Variants in BCAM observed in about 807,000 individuals in gnomAD.
The protein encoded by BCAM is basal cell adhesion molecule.
BCAM carries 61 observed loss-of-function variants against 72.4 expected under a neutral mutation model. That is an observed-to-expected ratio of 0.84 (90% CI 0.69 to 1.04). The LOEUF is 1.04. Ranked by LOEUF, BCAM falls within the 50% of genes least tolerant of loss-of-function variation. The pLI, the probability that BCAM is intolerant of heterozygous loss-of-function variation, is 0.00. For missense variants in BCAM, 909 were observed against 895.0 expected (o/e 1.02, Z -0.20); for synonymous variants, 408 against 384.2 (o/e 1.06, Z -0.73).
At chr19:44,817,786 C>T (rs540617626) in intron 8 of BCAM, among the ~76,000 whole-genome samples, 1 of 152,270 alleles carries the variant, frequency 6.6e-6, no homozygotes, top group South Asian at 2.1e-4. Flanking sequence ...TCAGGTGATG[C>T]ACCCGCCTCG....
intron 1 of BCAM, 31 bp downstream of exon 1, chr19:44,809,237 T>C: frequency 1.4e-6 from 2 of 1,405,818 alleles, no homozygotes; most frequent in South Asian, 2.9e-5. Context: ...AAGGTGGGAC[T>C]GGGGAGAGGC....
intron 8 of BCAM, among the ~76,000 whole-genome samples, chr19:44,816,989 C>G (rs1265667682): frequency 1.3e-5 from 2 of 151,718 alleles, no homozygotes; most frequent in Admixed American, 6.6e-5. Flanking sequence ...GTAATCCCAG[C>G]ACTTTTGGGA....
Position 44,814,905 on chromosome 19 carries a change from G to GTTTTTTT in BCAM, c.1078+147_1078+148insTTTTTTT. 2.4e-6 allele frequency: 2 copies of GTTTTTTT among 826,982 alleles called. No individual in the cohort carries two copies. The highest frequency in any genetic ancestry group is 3.3e-6 in the Non-Finnish European group (2 of 611,424). 51.2% of individuals were successfully genotyped at this position (826,982 alleles called of 1,614,324 possible). ...TCTGCATTTCTTGGGGGTTTTTTTG[G>GTTTTTTT]TTGTTTTTTTTTTTTTTTTTTTCCC... On this transcript the variant is annotated intron_variant, in intron 8 of 14. Coordinates refer to ENST00000270233, the MANE Select transcript of BCAM (RefSeq NM_005581.5). This position sits in a 1 kb window ranked among gnomAD's most constrained non-coding sequence, Gnocchi z 4.6.
rs763974366 is a variant in BCAM, at chr19:44,818,520, A to G, written c.1079-2A>G. 2 of 1,613,174 alleles carry G rather than the reference A, an allele frequency of 1.2e-6. No individual in the cohort carries two copies. The highest frequency in any genetic ancestry group is 3.3e-5 in the Admixed American group (2 of 59,970). Reference sequence around the variant, plus strand: ...CGAGTGACAGACTGTCCCCCACTGCAGATCTGGACCCCCTGGAGCTCAGCG... The same window carrying G: ...CGAGTGACAGACTGTCCCCCACTGCGGATCTGGACCCCCTGGAGCTCAGCG... On this transcript the variant is annotated splice_acceptor_variant, in intron 8 of 14. Coordinates refer to ENST00000270233, the MANE Select transcript of BCAM (RefSeq NM_005581.5). LOFTEE classifies it high-confidence loss of function. This position sits in a 1 kb window ranked among gnomAD's most constrained non-coding sequence, Gnocchi z 4.6.
Position 44,813,433 on chromosome 19 carries a change from C to T in BCAM, c.602-5C>T, listed in dbSNP as rs1382677136. On this transcript the variant is annotated splice_region_variant and splice_polypyrimidine_tract_variant and intron_variant, in intron 5 of 14. Transcript: ENST00000270233. The surrounding 1 kb of genome is among the most constrained non-coding windows in gnomAD (Gnocchi z 4.2). ...CTGACTGCCACCTCCCCCGATCTCT[C>T]CCAGAGGGCTACATGACCAGCCGCA... The T allele has an allele frequency of 6.2e-7, 1 of 1,610,500 alleles. No homozygotes were observed. Among genetic ancestry groups the T allele is most frequent in the Admixed American group, 1.7e-5 (1 of 59,934 alleles).
In BCAM at chr19:44,814,693, C is replaced by T. The variant is rs1968479292; in HGVS notation, c.1011C>T (p.Cys337=). Residue 337 remains cysteine (C), a synonymous_variant, in exon 8 of 15, where the codon TGC becomes TGT. Transcript: ENST00000270233. This position sits in a 1 kb window ranked among gnomAD's most constrained non-coding sequence, Gnocchi z 4.6. The stretch of plus-strand genomic sequence containing the variant: ...GGGGCCAGAGCGGGACCTATGGCTG[C>T]AGAGTGGAGGATTACGACGCGGCAG... ...VTRGQSGTYG[C]RVEDYDAADD... is the part of the protein sequence containing the mutation. 6.2e-7 allele frequency: 1 copy of T among 1,613,948 alleles called. No individual in the cohort carries two copies. Among genetic ancestry groups the T allele is most frequent in the Non-Finnish European group, 8.5e-7 (1 of 1,180,024 alleles).
rs1599885889 is a variant in BCAM, at chr19:44,814,517, G to A, written c.922-87G>A. The A allele has an allele frequency of 6.5e-7, 1 of 1,528,812 alleles. No individual in the cohort carries two copies. The highest frequency in any genetic ancestry group is 1.4e-5 in the African/African-American group (1 of 72,896). 94.7% of individuals were successfully genotyped at this position (1,528,812 alleles called of 1,614,324 possible). On this transcript the variant is annotated intron_variant, in intron 7 of 14. Transcript: ENST00000270233. This position sits in a 1 kb window ranked among gnomAD's most constrained non-coding sequence, Gnocchi z 4.6. ...CTGACCCCTGATTCTGGCTTAGCAT[G>A]ACACTAACCTGGTGGCTTCTGACCT...
rs1370044840 is a variant in BCAM, at chr19:44,812,523, CTG to C, written c.482_483del (p.Val161AspfsTer69). 6.2e-7 allele frequency: 1 copy of C among 1,614,094 alleles called. No homozygotes were observed. The highest frequency in any genetic ancestry group is 8.5e-7 in the Non-Finnish European group (1 of 1,180,032). On this transcript the variant is annotated frameshift_variant, in exon 4 of 15. Coordinates refer to ENST00000270233, the MANE Select transcript of BCAM (RefSeq NM_005581.5). LOFTEE classifies it high-confidence loss of function. This position sits in a 1 kb window ranked among gnomAD's most constrained non-coding sequence, Gnocchi z 5.3. ...GTCTCCCCCAACAAAGGGACACTGT[CTG>C]TGATGGAGGACTCTGCCCAGGAGGT...
chr19:44,814,848 G>C lies in BCAM; in HGVS notation c.1078+88G>C. ...CTCCCTACAGCCCTGAAGTTGCTCT[G>C]TCATCCCAAACACTCTGCCTTCAAC... On this transcript the variant is annotated intron_variant, in intron 8 of 14. Coordinates refer to ENST00000270233, the MANE Select transcript of BCAM (RefSeq NM_005581.5). The surrounding 1 kb of genome is among the most constrained non-coding windows in gnomAD (Gnocchi z 4.6). 7.2e-7 allele frequency: 1 copy of C among 1,382,748 alleles called. No homozygotes were observed. Among genetic ancestry groups the C allele is most frequent in the South Asian group, 1.6e-5 (1 of 61,382 alleles). 85.7% of individuals were successfully genotyped at this position (1,382,748 alleles called of 1,614,324 possible). A position where few individuals can be genotyped will look rare whatever the true frequency, so the allele number is the denominator to read the frequency against.
chr19:44,813,429 C>T lies in BCAM; in HGVS notation c.602-9C>T. ...CTGGCTGACTGCCACCTCCCCCGAT[C>T]TCTCCCAGAGGGCTACATGACCAGC... On this transcript the variant is annotated splice_polypyrimidine_tract_variant and intron_variant, in intron 5 of 14. Coordinates refer to ENST00000270233, the MANE Select transcript of BCAM (RefSeq NM_005581.5). The surrounding 1 kb of genome is among the most constrained non-coding windows in gnomAD (Gnocchi z 4.2). 1 of 1,608,636 alleles carries T rather than the reference C, an allele frequency of 6.2e-7. No individual in the cohort carries two copies. The highest frequency in any genetic ancestry group is 8.5e-7 in the Non-Finnish European group (1 of 1,177,578).
Position 44,817,471 on chromosome 19 carries a change from G to A in BCAM, c.1079-1051G>A, listed in dbSNP as rs146047422. On this transcript the variant is annotated intron_variant, in intron 8 of 14. Transcript: ENST00000270233. ...AGGCACCCTCAAGAAGTTTGGCCTCGATGCCAAGGGTACTGGGGAGCCACT... is the reference window on the plus strand; with the variant it reads ...AGGCACCCTCAAGAAGTTTGGCCTCAATGCCAAGGGTACTGGGGAGCCACT... 4.7e-4 allele frequency among the ~76,000 whole-genome samples: 72 copies of A among 152,166 alleles called. No individual in the cohort carries two copies. In the East Asian group the frequency reaches 0.013, roughly 27 times the overall value.
rs1233380892 is a variant in BCAM at position 44,812,633 on chromosome 19, CT to C, written c.504+86del. 2.7e-5 allele frequency: 40 copies of C among 1,479,034 alleles called. No homozygotes were observed. Among genetic ancestry groups the C allele is most frequent in the Non-Finnish European group, 3.7e-5 (40 of 1,084,062 alleles). 91.6% of individuals were successfully genotyped at this position (1,479,034 alleles called of 1,614,324 possible). ...ACTCCTGGGTCTGAGGGAGGAGGGG[CT>C]GGGGACCCCTGGGTAATAAAGGAGG... On this transcript the variant is annotated intron_variant, in intron 4 of 14. Coordinates refer to ENST00000270233, the MANE Select transcript of BCAM (RefSeq NM_005581.5). This position sits in a 1 kb window ranked among gnomAD's most constrained non-coding sequence, Gnocchi z 5.3.
chr19:44,813,604 C>A lies in BCAM; in HGVS notation c.768C>A (p.Phe256Leu). 1 of 1,612,354 alleles carries A rather than the reference C, an allele frequency of 6.2e-7. No individual in the cohort carries two copies. The change falls in exon 6 of 15, where the codon TTC becomes TTA. Residue 256 changes from phenylalanine (F) to leucine (L), a missense_variant. By Grantham distance (22) the Phe-to-Leu change is conservative. Coordinates refer to ENST00000270233, the MANE Select transcript of BCAM (RefSeq NM_005581.5). This position sits in a 1 kb window ranked among gnomAD's most constrained non-coding sequence, Gnocchi z 4.2. ...GRHGRLDSPTFHLTLHYPTEH... is the reference protein window; with the variant it reads ...GRHGRLDSPTLHLTLHYPTEH... ...ACGGCCGCCTGGACAGCCCCACCTT[C>A]CACCTCACCCTGCACTGTGAGTCTG... is the stretch of plus-strand genomic sequence containing the variant.
At chr19:44,809,317 C>T (rs1968386708) in intron 1 of BCAM, 111 bp downstream of exon 1, 2 of 923,488 alleles carry the variant, frequency 2.2e-6, no homozygotes, top group Admixed American at 4.3e-5. Flanking sequence ...TGTGGGGACC[C>T]CAAGGAGGAG....
intron 1 of BCAM, 100 bp downstream of exon 1, chr19:44,809,306 A>C: frequency 2.9e-6 from 3 of 1,030,510 alleles, no homozygotes; most frequent in Non-Finnish European, 3.8e-6. Flanking sequence ...AGGAAGCAAA[A>C]TGTGGGGACC....
intron 13 of BCAM, 165 bp from the exon 14 acceptor site, chr19:44,820,540 A>C: frequency 1.0e-5 from 13 of 1,265,178 alleles, no homozygotes; most frequent in East Asian, 6.4e-5. Context: ...CCCCAGTGCC[A>C]TTACCAGCCC....
In BCAM at chr19:44,818,817, G is replaced by A. The variant is rs767383930; in HGVS notation, c.1271G>A (p.Cys424Tyr). 4 of 1,614,108 alleles carry A rather than the reference G, an allele frequency of 2.5e-6. No individual in the cohort carries two copies. The Admixed American group carries it at 6.7e-5, about 27-fold the overall frequency. ...ITFDSNGTYV[C>Y]EASLPTVPVL... ...TTCGATTCCAATGGCACCTACGTAT[G>A]TGAGGCCTCCCTGCCCACAGTCCCG... Residue 424 changes from cysteine (C) to tyrosine (Y), a missense_variant, in exon 10 of 15, where the codon TGT becomes TAT. Physicochemically the swap from Cys to Tyr is radical, Grantham distance 194. Coordinates refer to ENST00000270233, the MANE Select transcript of BCAM (RefSeq NM_005581.5). This position sits in a 1 kb window ranked among gnomAD's most constrained non-coding sequence, Gnocchi z 4.6.
In BCAM at chr19:44,819,621, C is replaced by T. The variant is rs1432663696; in HGVS notation, c.1658C>T (p.Ala553Val). The T allele has an allele frequency of 6.2e-7, 1 of 1,613,514 alleles. No individual in the cohort carries two copies. Among genetic ancestry groups the T allele is most frequent in the Non-Finnish European group, 8.5e-7 (1 of 1,179,716 alleles). The change falls in exon 13 of 15, where the codon GCC (alanine) becomes GTC (valine). Residue 553 changes from alanine (A) to valine (V), a missense_variant. Transcript: ENST00000270233. ...QTSQAGVAVM[A>V]VAVSVGLLLL... ...TCCCAGGCTGGAGTGGCCGTCATGG[C>T]CGTGGCCGTCAGCGTGGGCCTCCTG...
rs1968440568 is a variant in BCAM, at chr19:44,812,581, C to A, written c.504+33C>A. ...TCGGGTGGACCTTGGCCCCAGGGTC[C>A]TGGAGGAGGAGGGGACAGGGCCCTG... On this transcript the variant is annotated intron_variant, in intron 4 of 14. Coordinates refer to ENST00000270233, the MANE Select transcript of BCAM (RefSeq NM_005581.5). This position sits in a 1 kb window ranked among gnomAD's most constrained non-coding sequence, Gnocchi z 5.3. 1 of 1,612,338 alleles carries A rather than the reference C, an allele frequency of 6.2e-7. No homozygotes were observed. The highest frequency in any genetic ancestry group is 8.5e-7 in the Non-Finnish European group (1 of 1,179,018).
Sources: allele counts gnomAD v4.1 joint callset (sites outside exome capture counted in the v4.1 genomes callset), GRCh38; gene constraint gnomAD v4.1.1; non-coding constraint Gnocchi (gnomAD v3.1); transcripts MANE v1.5; gene names NCBI Gene and HGNC (gene_info 2026-07-23, HGNC 2026-07-21).